The following CLN3 variants were observed in gnomAD, a reference collection of about 807,000 sequenced individuals.
The protein encoded by CLN3 is battenin.
In CLN3, 49 loss-of-function variants were observed where a neutral mutation model predicts 60.7. The observed-to-expected ratio is 0.81, with a 90% CI of 0.64 to 1.02. The LOEUF (loss-of-function observed/expected upper bound fraction) is 1.02, where lower values mean the gene tolerates loss of function less well. CLN3 is among the 50% of genes least tolerant of loss of function. The pLI is 0.00. For missense variants in CLN3, 516 were observed against 557.4 expected, an observed-to-expected ratio of 0.93 and a Z score of 0.75; for synonymous variants, 256 against 245.8, an observed-to-expected ratio of 1.04 and a Z score of -0.39.
chr16:28,479,057 C>A (rs1205365470), intron 14 of CLN3, among the ~76,000 whole-genome samples: 3 of 152,156 alleles, frequency 2.0e-5, no homozygotes, highest in Non-Finnish European at 2.9e-5. Flanking sequence ...TCGATCCCCA[C>A]CCCAGGGTGT....
At chr16:28,471,819 A>G (rs2045952208), downstream of CLN3, among the ~76,000 whole-genome samples, 1 of 150,848 alleles carries the variant, frequency 6.6e-6, no homozygotes, top group Non-Finnish European at 1.5e-5. Flanking sequence ...TAAATTCTGA[A>G]CCCAAATGAG....
chr16:28,488,449 A>T, intron 5 of CLN3, 142 bp downstream of exon 5: 1 of 699,124 alleles, frequency 1.4e-6, no homozygotes, highest in Non-Finnish European at 2.5e-6. Flanking sequence ...TGCTGGGATT[A>T]CAAGTGTGAG....
At chr16:28,491,891 T>A in intron 1 of CLN3, 56 bp from the exon 2 acceptor site, 1 of 1,210,838 alleles carries the variant, frequency 8.3e-7, no homozygotes, top group Non-Finnish European at 1.2e-6. Context: ...CCGGCTTGTC[T>A]AGGGCACTCG....
intron 12 of CLN3, 23 bp from the exon 13 acceptor site, chr16:28,482,405 G>A: frequency 1.2e-6 from 2 of 1,614,052 alleles, no homozygotes; most frequent in Middle Eastern, 1.6e-4. Context: ...CCAGACAGGG[G>A]AGATGGACGG....
At chr16:28,484,309 C>T in intron 9 of CLN3, 191 bp from the exon 10 acceptor site, 2 of 617,158 alleles carry the variant, frequency 3.2e-6, no homozygotes, top group East Asian at 2.8e-5. Context: ...TTTCTTTGGA[C>T]CTGAATTTAT....
At position 28,482,199 on chromosome 16, in the gene CLN3, C is replaced by T. The variant is rs386833742; in HGVS notation, c.963-1G>A. ...GCCAGCCTGGTACAGCATCTGGTAC[C>T]TGAGGTTAGGGTTGGGGGGAGGAGA... is the stretch of plus-strand genomic sequence containing the variant. On this transcript the variant is annotated splice_acceptor_variant, in intron 13 of 15. Transcript: ENST00000636147. LOFTEE classifies it high-confidence loss of function. 2 of 1,612,506 alleles carry T rather than the reference C, an allele frequency of 1.2e-6. No individual in the cohort carries two copies. The highest frequency in any genetic ancestry group is 1.7e-5 in the Admixed American group (1 of 59,578).
intron 7 of CLN3, 64 bp from the exon 8 acceptor site, chr16:28,486,714 T>C: frequency 2.7e-6 from 4 of 1,478,388 alleles, no homozygotes; most frequent in Non-Finnish European, 1.9e-6. Context: ...AGGCCTCTAA[T>C]GTGTCTGGCC....
intron 14 of CLN3, among the ~76,000 whole-genome samples, chr16:28,478,224 G>A (rs2046028759): frequency 6.6e-6 from 1 of 151,200 alleles, no homozygotes; most frequent in Non-Finnish European, 1.5e-5. Context: ...AGAATCACTT[G>A]AACCTGGGAG....
chr16:28,477,438 C>A lies in CLN3; in HGVS notation c.*78G>T. 2 of 1,594,440 alleles carry A rather than the reference C, an allele frequency of 1.3e-6. No individual in the cohort carries two copies. The highest frequency in any genetic ancestry group is 1.7e-6 in the Non-Finnish European group (2 of 1,166,994). On this transcript the variant is annotated 3_prime_UTR_variant, in exon 16 of 16. Coordinates refer to ENST00000636147, the MANE Select transcript of CLN3 (RefSeq NM_001042432.2). ...GCTGGGAGCACAGTTCATGGAGGGT[C>A]TCTGGGGTGGGCCTGGGTGTCTGAC...
At chr16:28,468,732 A>G in the CLN3 span, among the ~76,000 whole-genome samples, 40 of 122,138 alleles carry the variant, frequency 3.3e-4, no homozygotes, top group Middle Eastern at 4.0e-3. Context: ...ACTTGAACCC[A>G]GGAGGCAGAG....
rs2046010562 is a variant in CLN3 at position 28,477,435 on chromosome 16, G to A, written c.*81C>T. On this transcript the variant is annotated 3_prime_UTR_variant, in exon 16 of 16. Coordinates refer to ENST00000636147, the MANE Select transcript of CLN3 (RefSeq NM_001042432.2). ...AAGGCTGGGAGCACAGTTCATGGAG[G>A]GTCTCTGGGGTGGGCCTGGGTGTCT... The A allele has an allele frequency of 6.3e-7, 1 of 1,582,890 alleles. No homozygotes were observed. The highest frequency in any genetic ancestry group is 1.7e-5 in the Admixed American group (1 of 59,894).
intron 5 of CLN3, 41 bp from the exon 6 acceptor site, chr16:28,487,782 G>C (rs1230062958): frequency 6.5e-7 from 1 of 1,542,876 alleles, no homozygotes; most frequent in Admixed American, 1.7e-5. Context: ...AGCTTCCAGG[G>C]GACAACCCTC....
rs901586676 is a variant in CLN3 at position 28,485,996 on chromosome 16, C to CT, written c.677+350dup. On this transcript the variant is annotated intron_variant, in intron 9 of 15. Coordinates refer to ENST00000636147, the MANE Select transcript of CLN3 (RefSeq NM_001042432.2). ...ATCATAATCAAGTTTTCTTTTCTTT[C>CT]TTTTTTTTTTTTTCTTCCTGAGACA... Among the ~76,000 whole-genome samples, 1,344 of 145,162 alleles carry CT rather than the reference C, an allele frequency of 9.3e-3. 17 individuals are homozygous for CT. Among genetic ancestry groups the CT allele is most frequent in the African/African-American group, 0.026 (1,040 of 40,018 alleles).
At position 28,487,662 on chromosome 16, in the gene CLN3, C is replaced by T. The variant is rs386833716; in HGVS notation, c.374G>A (p.Ser125Asn). The T allele has an allele frequency of 5.0e-6, 8 of 1,613,514 alleles. No individual in the cohort carries two copies. The highest frequency in any genetic ancestry group is 1.7e-5 in the Admixed American group (1 of 59,968). Residue 125 changes from serine (S) to asparagine (N), a missense_variant and splice_region_variant, in exon 6 of 16, where the codon AGC (serine) becomes AAC (asparagine). Ser to Asn is a conservative substitution (Grantham distance 46). Coordinates refer to ENST00000636147, the MANE Select transcript of CLN3 (RefSeq NM_001042432.2). ...APLGLHLLPY[S>N]PRVLVSGICA... Reference sequence around the variant, plus strand: ...TGCCTCCCACTACCCTCACCCAGACCTGTAGGGCAGCAGGTGAAGGCCAAG... The same window carrying T: ...TGCCTCCCACTACCCTCACCCAGACTTGTAGGGCAGCAGGTGAAGGCCAAG...
In CLN3 at chr16:28,477,837, C is replaced by T. The variant is rs371214018; in HGVS notation, c.1097G>A (p.Gly366Asp). 3.1e-6 allele frequency: 5 copies of T among 1,614,122 alleles called. No homozygotes were observed. Among genetic ancestry groups the T allele is most frequent in the East Asian group, 2.2e-5 (1 of 44,886 alleles). Residue 366 changes from glycine to aspartate, a missense_variant, in exon 15 of 16, where the codon GGC becomes GAC. Gly to Asp is a moderately conservative substitution (Grantham distance 94). Coordinates refer to ENST00000636147, the MANE Select transcript of CLN3 (RefSeq NM_001042432.2). ...GACGAGGTAGATGCTTGGCAGAAAG[C>T]CGAACCACACGTCTGCCAGCAGGAA... ...LVFLLADVWF[G>D]FLPSIYLVFL...
chr16:28,489,707 T>C (rs1456136918), intron 3 of CLN3, among the ~76,000 whole-genome samples: 2 of 151,972 alleles, frequency 1.3e-5, no homozygotes, highest in African/African-American at 4.8e-5. Flanking sequence ...ACTGTGATCA[T>C]GCCACTGCAC....
chr16:28,477,894 A>T lies in CLN3; in HGVS notation c.1057-17T>A, dbSNP rs543525522. 1.9e-6 allele frequency: 3 copies of T among 1,613,060 alleles called. No individual in the cohort carries two copies. The highest frequency in any genetic ancestry group is 1.7e-5 in the Admixed American group (1 of 59,898). ...GTTGAGGCACTGTGAACAGGGGGAGAGGCTAAGCCTGGGACCAGGGCGGGG... is the reference window on the plus strand; with the variant it reads ...GTTGAGGCACTGTGAACAGGGGGAGTGGCTAAGCCTGGGACCAGGGCGGGG... On this transcript the variant is annotated splice_polypyrimidine_tract_variant and intron_variant, in intron 14 of 15. Transcript: ENST00000636147.
chr16:28,487,826 C>G, intron 5 of CLN3, 85 bp from the exon 6 acceptor site: 1 of 1,054,312 alleles, frequency 9.5e-7, no homozygotes, highest in East Asian at 2.6e-5. Flanking sequence ...CAGGAGCTGG[C>G]CAAACAGGCC....
chr16:28,481,397 G>A (rs925908024), intron 14 of CLN3, among the ~76,000 whole-genome samples: 25 of 145,342 alleles, frequency 1.7e-4, no homozygotes, highest in Non-Finnish European at 1.6e-4. Context: ...CACCTGGCCC[G>A]GCCCAATCCC....
Sources: allele counts gnomAD v4.1 joint callset (sites outside exome capture counted in the v4.1 genomes callset), GRCh38; gene constraint gnomAD v4.1.1; transcripts MANE v1.5; gene names NCBI Gene and HGNC (gene_info 2026-07-23, HGNC 2026-07-21).